ANKRD11: variants seen among roughly 807,000 people sequenced by gnomAD.
ANKRD11 encodes the protein ankyrin repeat domain 11, also known as ankyrin repeat domain-containing protein 11.
In ANKRD11, 17 loss-of-function variants were observed where a neutral mutation model predicts 195.7. The observed-to-expected ratio is 0.09, with a 90% CI of 0.06 to 0.13. The LOEUF (loss-of-function observed/expected upper bound fraction) is 0.13, where lower values mean the gene tolerates loss of function less well. Among genes scored for constraint, ANKRD11 ranks in the 10% least tolerant of loss-of-function variants. ANKRD11 has a pLI of 1.00. For missense variants in ANKRD11, 3,735 were observed against 3,566.1 expected (o/e 1.05, Z -1.21); for synonymous variants, 1,953 against 1,528.1 (o/e 1.28, Z -6.49).
chr16:89,301,302 T>A (rs2035840066), intron 4 of ANKRD11: 1 of 377,212 alleles, frequency 2.7e-6, no homozygotes, highest in African/African-American at 2.1e-5. Context: ...ACCTTACACA[T>A]ATAAAAAAGT....
chr16:89,455,148 G>T (rs1215491000), intron 1 of ANKRD11, among the ~76,000 whole-genome samples: 22 of 72,046 alleles, frequency 3.1e-4, no homozygotes, highest in African/African-American at 8.4e-4. Flanking sequence ...CCTGGGTGCT[G>T]TTAGGGTTCC....
chr16:89,336,063 C>T (rs780159104), intron 2 of ANKRD11, among the ~76,000 whole-genome samples: 1 of 152,224 alleles, frequency 6.6e-6, no homozygotes, highest in Non-Finnish European at 1.5e-5. Context: ...ACTATTCCTG[C>T]CAGTTGGTTT....
chr16:89,288,064 G>A (rs1340622484), intron 7 of ANKRD11: 2 of 565,844 alleles, frequency 3.5e-6, no homozygotes, highest in African/African-American at 3.7e-5. Context: ...AGTGCCCACT[G>A]CTCCTGGGCC....
intron 4 of ANKRD11, 105 bp downstream of exon 4, chr16:89,305,101 G>C (rs2036101799): frequency 6.6e-7 from 1 of 1,512,460 alleles, no homozygotes; most frequent in South Asian, 1.2e-5. Context: ...GTGCTAGAGT[G>C]CGTCCCAGTG....
chr16:89,423,561 G>C (rs945751180), intron 1 of ANKRD11, among the ~76,000 whole-genome samples: 7 of 152,240 alleles, frequency 4.6e-5, no homozygotes, highest in Non-Finnish European at 1.0e-4. Context: ...TGTGGTTAGA[G>C]TTAACCTGAA....
chr16:89,431,712 G>C (rs913760550), intron 1 of ANKRD11, among the ~76,000 whole-genome samples: 3 of 151,988 alleles, frequency 2.0e-5, no homozygotes, highest in African/African-American at 7.3e-5. Context: ...CTTTAACGAC[G>C]TGCTGCTGAA....
rs146183312 is a variant in ANKRD11, at chr16:89,441,174, C to A, written c.-144-22806G>T. ...TGGCGTGAACCTGAGAGGCAGAGATCGCAGTGAGCCAGGATCGAGCCACTG... is the reference window on the plus strand; with the variant it reads ...TGGCGTGAACCTGAGAGGCAGAGATAGCAGTGAGCCAGGATCGAGCCACTG... On this transcript the variant is annotated intron_variant, in intron 1 of 12. Transcript: ENST00000301030. 5.7e-3 allele frequency among the ~76,000 whole-genome samples: 862 copies of A among 151,404 alleles called. 6 individuals carry two copies. Among genetic ancestry groups the A allele is most frequent in the African/African-American group, 0.02 (836 of 41,170 alleles).
At chr16:89,464,946 C>T (rs1470037784) in intron 1 of ANKRD11, among the ~76,000 whole-genome samples, 1 of 152,246 alleles carries the variant, frequency 6.6e-6, no homozygotes, top group South Asian at 2.1e-4. Context: ...GGTCAGGGGC[C>T]GAATCTGGCC....
Position 89,268,722 on chromosome 16 carries a change from T to C in ANKRD11, c.7807-59A>G, listed in dbSNP as rs888365349. 17 of 1,538,098 alleles carry C rather than the reference T, an allele frequency of 1.1e-5. No homozygotes were observed. In the East Asian group the frequency reaches 4.2e-4, roughly 38 times the overall value. On this transcript the variant is annotated intron_variant, in intron 12 of 12. Transcript: ENST00000301030. ...GGAGTGAAGGGAGAGCCCCAGACTC[T>C]GCCGACCTCAGCTGCCAGCAGGGCC... is the stretch of plus-strand genomic sequence containing the variant.
intron 1 of ANKRD11, among the ~76,000 whole-genome samples, chr16:89,437,424 C>T (rs1353997001): frequency 6.6e-6 from 1 of 152,128 alleles, no homozygotes; most frequent in Non-Finnish European, 1.5e-5. Flanking sequence ...CTGACTCCTC[C>T]ACACCCCTAC....
intron 1 of ANKRD11, among the ~76,000 whole-genome samples, chr16:89,441,854 A>G (rs1490009015): frequency 1.3e-5 from 2 of 150,780 alleles, no homozygotes; most frequent in Non-Finnish European, 3.0e-5. Context: ...GTCCACAAGC[A>G]GGAATCTCTC....
intron 4 of ANKRD11, among the ~76,000 whole-genome samples, chr16:89,295,758 T>C (rs1597503408): frequency 7.6e-6 from 1 of 131,584 alleles, no homozygotes; most frequent in African/African-American, 2.9e-5. Context: ...CGCCTGGGGG[T>C]GCCCTGTGCT....
intron 2 of ANKRD11, among the ~76,000 whole-genome samples, chr16:89,412,769 C>T (rs934101291): frequency 5.9e-5 from 9 of 152,088 alleles, no homozygotes; most frequent in Non-Finnish European, 1.0e-4. Flanking sequence ...AAAACACTGG[C>T]CCCATGAGAA....
At chr16:89,449,718 G>C (rs2043979067) in intron 1 of ANKRD11, among the ~76,000 whole-genome samples, 1 of 152,156 alleles carries the variant, frequency 6.6e-6, no homozygotes, top group Non-Finnish European at 1.5e-5. Flanking sequence ...ACTTGAACCT[G>C]GGAGGTGGAG....
chr16:89,371,093 C>T (rs1056166859), intron 2 of ANKRD11, among the ~76,000 whole-genome samples: 1 of 152,154 alleles, frequency 6.6e-6, no homozygotes, highest in African/African-American at 2.4e-5. Context: ...ACTGCGCGCT[C>T]GCTTACTGAA....
chr16:89,457,524 G>A (rs979511053), intron 1 of ANKRD11, among the ~76,000 whole-genome samples: 2 of 151,030 alleles, frequency 1.3e-5, no homozygotes, highest in African/African-American at 4.9e-5. Flanking sequence ...CTTGAACCCG[G>A]GAGGCGGAGG....
chr16:89,404,286 CAA>C (rs2041821686), intron 2 of ANKRD11, among the ~76,000 whole-genome samples: 1 of 152,118 alleles, frequency 6.6e-6, no homozygotes, highest in South Asian at 2.1e-4. Flanking sequence ...AAATCACCAG[CAA>C]AGACTCTGAG....
intron 1 of ANKRD11, among the ~76,000 whole-genome samples, chr16:89,462,259 C>T (rs550227059): frequency 1.4e-4 from 21 of 152,320 alleles, no homozygotes; most frequent in East Asian, 3.9e-4. Flanking sequence ...TTGGTGGAGA[C>T]GGGGTTTCGC....
chr16:89,389,877 G>T (rs2041099732), intron 2 of ANKRD11, among the ~76,000 whole-genome samples: 2 of 117,726 alleles, frequency 1.7e-5, no homozygotes, highest in African/African-American at 6.8e-5. Flanking sequence ...TCACTGGGGC[G>T]AACACCGAGT....
Sources: gnomAD v4.1 joint callset for allele counts (sites outside exome capture counted in the v4.1 genomes callset) on GRCh38, gnomAD v4.1.1 for gene constraint, MANE v1.5 for transcripts, NCBI Gene and HGNC (gene_info 2026-07-23, HGNC 2026-07-21) for gene names.